DNAH5: variants seen among roughly 807,000 people sequenced by gnomAD.
DNAH5 encodes the protein dynein axonemal heavy chain 5.
DNAH5 carries 372 observed loss-of-function variants against 518.2 expected under a neutral mutation model. That is an observed-to-expected ratio of 0.72 (90% CI 0.66 to 0.78). The LOEUF is 0.78. DNAH5 is among the 30% of genes least tolerant of loss of function. The pLI is 0.00. For missense variants in DNAH5, 5,523 were observed against 5,687.0 expected (o/e 0.97, Z 0.93); for synonymous variants, 2,039 against 2,025.9 (o/e 1.01, Z -0.17).
intron 47 of DNAH5, among the ~76,000 whole-genome samples, chr5:13,799,432 C>A (rs1470949247): frequency 9.8e-6 from 1 of 102,036 alleles, no homozygotes; most frequent in Non-Finnish European, 2.2e-5. Context: ...TAGCCACACA[C>A]CTATATTTTC....
intron 37 of DNAH5, 49 bp from the exon 38 acceptor site, chr5:13,829,753 T>A (rs995444856): frequency 6.5e-7 from 1 of 1,531,814 alleles, no homozygotes; most frequent in Non-Finnish European, 9.0e-7. Context: ...CAAGCACACA[T>A]CAGCATCATA....
At chr5:13,826,949 T>C (rs139682374) in intron 38 of DNAH5, among the ~76,000 whole-genome samples, 1 of 152,320 alleles carries the variant, frequency 6.6e-6, no homozygotes, top group East Asian at 1.9e-4. Context: ...ACTTGTTGAA[T>C]GGCTTTGAGC....
chr5:13,708,220 AGCTCAGTGAGGGTGCT>A lies in DNAH5; in HGVS notation c.13225_13240del (p.Ser4409Ter). ...GATGGTGCCATCAATAGCAAGTTTCAGCTCAGTGAGGGTGCTGCGGACAAGGCTGAGTACCCTTTGC... is the reference window on the plus strand; with the variant it reads ...GATGGTGCCATCAATAGCAAGTTTCAGCGGACAAGGCTGAGTACCCTTTGC... On this transcript the variant is annotated frameshift_variant, in exon 76 of 79. Transcript: ENST00000265104. LOFTEE classifies it high-confidence loss of function. 1 of 1,614,192 alleles carries A rather than the reference AGCTCAGTGAGGGTGCT, an allele frequency of 6.2e-7. No individual in the cohort carries two copies. The highest frequency in any genetic ancestry group is 8.5e-7 in the Non-Finnish European group (1 of 1,180,020).
At chr5:13,822,387 A>G (rs994354101) in intron 40 of DNAH5, among the ~76,000 whole-genome samples, 1 of 151,986 alleles carries the variant, frequency 6.6e-6, no homozygotes, top group Non-Finnish European at 1.5e-5. Flanking sequence ...AGTAGATGGG[A>G]CTATAGGCAC....
At chr5:13,929,928 T>C (rs1296146575) in intron 2 of DNAH5, among the ~76,000 whole-genome samples, 4 of 152,216 alleles carry the variant, frequency 2.6e-5, no homozygotes, top group African/African-American at 9.6e-5. Flanking sequence ...TCTCTGCTTT[T>C]ATGCCTCCAT....
At chr5:13,840,094 T>A (rs1032799191) in intron 34 of DNAH5, among the ~76,000 whole-genome samples, 1 of 150,928 alleles carries the variant, frequency 6.6e-6, no homozygotes, top group East Asian at 2.0e-4. Flanking sequence ...ATCATTTTCT[T>A]TGACAAAGAA....
chr5:13,969,872 G>A (rs1781759098), intron 1 of DNAH5, among the ~76,000 whole-genome samples: 1 of 152,086 alleles, frequency 6.6e-6, no homozygotes, highest in African/African-American at 2.4e-5. Context: ...TTGACTTTCT[G>A]TCTTGACGAC....
At chr5:13,740,062 C>G (rs907353536) in intron 65 of DNAH5, among the ~76,000 whole-genome samples, 1 of 152,080 alleles carries the variant, frequency 6.6e-6, no homozygotes, top group Non-Finnish European at 1.5e-5. Context: ...AATGGCAACA[C>G]TATTCTTCTA....
chr5:13,793,449 T>C, intron 49 of DNAH5, 66 bp downstream of exon 49: 1 of 1,421,030 alleles, frequency 7.0e-7, no homozygotes, highest in South Asian at 1.2e-5. Flanking sequence ...GGGTGAAGAT[T>C]TTCAAAAAGG....
intron 31 of DNAH5, among the ~76,000 whole-genome samples, chr5:13,847,668 G>A (rs1367134544): frequency 1.3e-5 from 2 of 151,678 alleles, no homozygotes; most frequent in African/African-American, 2.4e-5. Context: ...AGGCTGCAGT[G>A]GGCTGAGATT....
chr5:14,002,956 G>A (rs1346930715), intron 1 of DNAH5, among the ~76,000 whole-genome samples: 2 of 152,082 alleles, frequency 1.3e-5, no homozygotes, highest in East Asian at 1.9e-4. Flanking sequence ...GATAGTAATT[G>A]AAAACTGAGC....
At chr5:13,864,347 T>C in intron 28 of DNAH5, 50 bp downstream of exon 28, 2 of 1,608,566 alleles carry the variant, frequency 1.2e-6, no homozygotes, top group Non-Finnish European at 8.5e-7. Context: ...AGAAATGTTA[T>C]CAAATAAATC....
At chr5:13,900,712 C>T in intron 14 of DNAH5, 1 of 431,560 alleles carries the variant, frequency 2.3e-6, no homozygotes, top group Non-Finnish European at 4.2e-6. Flanking sequence ...CTACCTGATA[C>T]CTTCATGCCT....
chr5:13,714,955 A>G (rs1054660254), intron 74 of DNAH5, among the ~76,000 whole-genome samples: 3 of 152,236 alleles, frequency 2.0e-5, no homozygotes, highest in Admixed American at 1.3e-4. Flanking sequence ...TAGACTTCAA[A>G]CCAGTTGTCC....
At chr5:13,996,116 TG>T (rs1480588027) in intron 1 of DNAH5, among the ~76,000 whole-genome samples, 1 of 152,212 alleles carries the variant, frequency 6.6e-6, no homozygotes, top group African/African-American at 2.4e-5. Context: ...GCACCTCTGA[TG>T]ATTAAAGGTG....
At position 13,870,894 on chromosome 5, in the gene DNAH5, A is replaced by G. The variant is rs765698015; in HGVS notation, c.3707T>C (p.Ile1236Thr). 3.1e-6 allele frequency: 5 copies of G among 1,613,878 alleles called. No homozygotes were observed. The South Asian group carries it at 4.4e-5, about 14-fold the overall frequency. Residue 1236 changes from isoleucine to threonine, a missense_variant, in exon 24 of 79, where the codon ATT becomes ACT. This residue lies in a region of DNAH5 where 5,121 missense variants were observed against 5,223.3 expected (regional missense o/e 0.98). Coordinates refer to ENST00000265104, the MANE Select transcript of DNAH5 (RefSeq NM_001369.3). ...ATTTAGTTTCTTATTGAATTCTTCA[A>G]TAAGCATAAAAATGTTTTCCATCTC... ...RSEMENIFMLIEEFNKKLNRP... is the reference protein window; with the variant it reads ...RSEMENIFMLTEEFNKKLNRP...
chr5:13,878,113 C>T (rs1561490127), intron 21 of DNAH5, among the ~76,000 whole-genome samples: 2 of 152,134 alleles, frequency 1.3e-5, no homozygotes, highest in Non-Finnish European at 2.9e-5. Context: ...CTTCAACAGG[C>T]TTTATCCCCC....
At position 13,902,860 on chromosome 5, in the gene DNAH5, T is replaced by C. The variant is rs548478086; in HGVS notation, c.1645-722A>G. The stretch of plus-strand genomic sequence containing the variant: ...AGTAAAACCACTAGGACCACAGAAT[T>C]CAAGAAAAGCCACTCTACAGAAACA... On this transcript the variant is annotated intron_variant, in intron 12 of 78. Transcript: ENST00000265104. Among the ~76,000 whole-genome samples, 22 of 151,962 alleles carry C rather than the reference T, an allele frequency of 1.4e-4. No homozygotes were observed. The East Asian group carries it at 3.1e-3, about 21-fold the overall frequency.
chr5:13,919,087 T>C, intron 7 of DNAH5, 89 bp downstream of exon 7: 1 of 1,508,978 alleles, frequency 6.6e-7, no homozygotes, highest in Non-Finnish European at 9.2e-7. Flanking sequence ...ATAATAACAT[T>C]TTTTTGTTCC....
Sources: allele counts gnomAD v4.1 joint callset (sites outside exome capture counted in the v4.1 genomes callset), GRCh38; gene constraint gnomAD v4.1.1; regional missense constraint gnomAD v4.1.1; transcripts MANE v1.5; gene names NCBI Gene and HGNC (gene_info 2026-07-23, HGNC 2026-07-21).